The following C10orf90 variants were observed in gnomAD, a reference collection of about 807,000 sequenced individuals.
C10orf90 encodes the protein chromosome 10 open reading frame 90.
In C10orf90, 56 loss-of-function variants were observed where a neutral mutation model predicts 62.5. The ratio of observed to expected loss-of-function variants is 0.90; its 90% CI spans 0.72 to 1.12. The LOEUF is 1.12. Ranked by LOEUF, C10orf90 falls within the 50% of genes most tolerant of loss-of-function variation. The probability of loss-of-function intolerance (pLI) is 0.00; values close to 1 mark genes in which losing one functional copy is unlikely to be tolerated. For synonymous variants in C10orf90, 386 were observed against 340.4 expected (o/e 1.13, Z -1.47); for missense variants, 970 against 880.4 (o/e 1.10, Z -1.29).
chr10:126,582,271 A>G (rs376605771), intron 2 of C10orf90, among the ~76,000 whole-genome samples: 8 of 152,166 alleles, frequency 5.3e-5, no homozygotes, highest in African/African-American at 1.9e-4. Context: ...CCTTTAAAGA[A>G]TAGGACTGCA....
At chr10:126,592,465 G>A (rs1172607780) in intron 2 of C10orf90, among the ~76,000 whole-genome samples, 1 of 152,154 alleles carries the variant, frequency 6.6e-6, no homozygotes, top group Non-Finnish European at 1.5e-5. Context: ...TTTAATAAAT[G>A]GTGCTGGGAG....
intron 4 of C10orf90, among the ~76,000 whole-genome samples, chr10:126,490,781 AG>A (rs1345100134): frequency 1.3e-5 from 2 of 152,132 alleles, no homozygotes; most frequent in Non-Finnish European, 2.9e-5. Context: ...CAAAGGATAA[AG>A]GCGAGGATGT....
intron 2 of C10orf90, among the ~76,000 whole-genome samples, chr10:126,573,267 A>G (rs1014560938): frequency 1.3e-5 from 2 of 152,206 alleles, no homozygotes; most frequent in African/African-American, 4.8e-5. Flanking sequence ...AGAACAGAAC[A>G]GGACAGGGAT....
intron 1 of C10orf90, among the ~76,000 whole-genome samples, chr10:126,659,734 C>A (rs559696658): frequency 6.6e-6 from 1 of 152,142 alleles, no homozygotes; most frequent in Admixed American, 6.5e-5. Flanking sequence ...AGAGCTGTTA[C>A]CTGTTTGTCC....
chr10:126,657,577 TA>T (rs1846419900), intron 1 of C10orf90, among the ~76,000 whole-genome samples: 1 of 152,104 alleles, frequency 6.6e-6, no homozygotes, highest in South Asian at 2.1e-4. Context: ...GTGCTTTTGA[TA>T]TCACCATCTT....
At chr10:126,574,712 T>G (rs934532961) in intron 2 of C10orf90, among the ~76,000 whole-genome samples, 1 of 152,036 alleles carries the variant, frequency 6.6e-6, no homozygotes, top group African/African-American at 2.4e-5. Flanking sequence ...ATTAATAATC[T>G]CCAGTACCCA....
chr10:126,518,948 A>G (rs888611310), intron 2 of C10orf90, among the ~76,000 whole-genome samples: 1 of 152,158 alleles, frequency 6.6e-6, no homozygotes, highest in Non-Finnish European at 1.5e-5. Context: ...GCAGGAATTT[A>G]GGCAGTGCTC....
chr10:126,509,349 T>C (rs946476745), intron 3 of C10orf90, among the ~76,000 whole-genome samples: 1 of 152,136 alleles, frequency 6.6e-6, no homozygotes, highest in Non-Finnish European at 1.5e-5. Flanking sequence ...ACTCTTCCCA[T>C]GACCCAGCAG....
At chr10:126,642,084 C>T (rs1846069353) in intron 2 of C10orf90, among the ~76,000 whole-genome samples, 1 of 152,154 alleles carries the variant, frequency 6.6e-6, no homozygotes, top group South Asian at 2.1e-4. Context: ...AGGCTACCAC[C>T]CGCATCACTG....
chr10:126,481,955 C>T (rs1231542074), intron 4 of C10orf90, among the ~76,000 whole-genome samples: 1 of 152,202 alleles, frequency 6.6e-6, no homozygotes, highest in Non-Finnish European at 1.5e-5. Context: ...TTACCCCATA[C>T]CTAGGAGGAA....
At chr10:126,649,759 TCA>T (rs1462210290) in intron 1 of C10orf90, among the ~76,000 whole-genome samples, 1 of 152,190 alleles carries the variant, frequency 6.6e-6, no homozygotes, top group Non-Finnish European at 1.5e-5. Context: ...GTTGTTGGCC[TCA>T]CTTGCTAATG....
intron 2 of C10orf90, among the ~76,000 whole-genome samples, chr10:126,583,107 G>A (rs1298388740): frequency 6.6e-6 from 1 of 152,178 alleles, no homozygotes; most frequent in Non-Finnish European, 1.5e-5. Context: ...GACAACCAAA[G>A]ATGTCTCCAG....
intron 4 of C10orf90, among the ~76,000 whole-genome samples, chr10:126,475,282 G>C (rs1008910110): frequency 4.6e-5 from 7 of 152,196 alleles, no homozygotes; most frequent in African/African-American, 1.4e-4. Flanking sequence ...AGCTAGATCA[G>C]TGAGTGAGGG....
rs142705191 is a variant in C10orf90 at position 126,573,142 on chromosome 10, G to A, written c.314-59203C>T. On this transcript the variant is annotated intron_variant, in intron 2 of 9. Coordinates refer to ENST00000488181, the MANE Select transcript of C10orf90 (RefSeq NM_001350921.2). ...CGAGCTCCCCAAGTGAGCAATTCCT[G>A]TCCCTTTTAAGGGCTTACAACTCTA... Among the ~76,000 whole-genome samples the A allele has an allele frequency of 3.3e-3, 502 of 152,222 alleles. 3 individuals carry two copies. Among genetic ancestry groups the A allele is most frequent in the African/African-American group, 0.012 (493 of 41,548 alleles).
chr10:126,643,061 A>T (rs970391326), intron 2 of C10orf90, among the ~76,000 whole-genome samples: 2 of 152,262 alleles, frequency 1.3e-5, no homozygotes, highest in Non-Finnish European at 2.9e-5. Flanking sequence ...CACCTGGAAT[A>T]TCACAACAGA....
Position 126,456,045 on chromosome 10 carries a change from G to A in C10orf90, c.2188+2995C>T, listed in dbSNP as rs1011325182. Among the ~76,000 whole-genome samples, 1 of 152,222 alleles carries A rather than the reference G, an allele frequency of 6.6e-6. No homozygotes were observed. Among genetic ancestry groups the A allele is most frequent in the African/African-American group, 2.4e-5 (1 of 41,454 alleles). ...ACCCCAGCACCAAAAGCAAATAGGA[G>A]TCTTCTTTTTAACAGACGCCTTGAC... On this transcript the variant is annotated intron_variant, in intron 7 of 9. Coordinates refer to ENST00000488181, the MANE Select transcript of C10orf90 (RefSeq NM_001350921.2). This position sits in a 1 kb window ranked among gnomAD's most constrained non-coding sequence, Gnocchi z 4.9.
At chr10:126,520,208 C>T (rs141909717) in intron 2 of C10orf90, 1 of 152,360 alleles carries the variant, frequency 6.6e-6, no homozygotes, top group Non-Finnish European at 1.5e-5. Flanking sequence ...ACCTCCCTGC[C>T]CTGCTGGTGT....
At chr10:126,658,942 C>A (rs1162937339) in intron 1 of C10orf90, among the ~76,000 whole-genome samples, 1 of 152,218 alleles carries the variant, frequency 6.6e-6, no homozygotes, top group African/African-American at 2.4e-5. Context: ...TCGCAAGCTT[C>A]CTCCAGATTG....
chr10:126,632,353 C>A (rs545637680), intron 2 of C10orf90, among the ~76,000 whole-genome samples: 2 of 152,078 alleles, frequency 1.3e-5, no homozygotes, highest in Non-Finnish European at 2.9e-5. Context: ...CACCCCAGAT[C>A]ATTGGCCCCC....
Sources: allele counts gnomAD v4.1 joint callset (sites outside exome capture counted in the v4.1 genomes callset), GRCh38; gene constraint gnomAD v4.1.1; non-coding constraint Gnocchi (gnomAD v3.1); transcripts MANE v1.5; gene names NCBI Gene and HGNC (gene_info 2026-07-23, HGNC 2026-07-21).